The following ATP6V0A2 variants were observed in gnomAD, a reference collection of about 807,000 sequenced individuals.
ATP6V0A2 encodes the protein ATPase H+ transporting V0 subunit a2.
A neutral mutation model predicts 104.4 loss-of-function variants in ATP6V0A2; 58 were observed. That is an observed-to-expected ratio of 0.56 (90% CI 0.45 to 0.69). The LOEUF is 0.69. Among genes scored for constraint, ATP6V0A2 ranks in the 30% least tolerant of loss-of-function variants. The pLI is 0.00. For synonymous variants in ATP6V0A2, 376 were observed against 397.9 expected, an observed-to-expected ratio of 0.95 and a Z score of 0.65; for missense variants, 938 against 1,062.9, an observed-to-expected ratio of 0.88 and a Z score of 1.63.
chr12:123,744,971 C>T lies in ATP6V0A2; in HGVS notation c.1604C>T (p.Pro535Leu). Residue 535 changes from proline to leucine, a missense_variant and splice_region_variant, in exon 13 of 20, where the codon CCT (proline) becomes CTT (leucine). Physicochemically the swap from Pro to Leu is moderately conservative, Grantham distance 98. Transcript: ENST00000330342. This position sits in a 1 kb window ranked among gnomAD's most constrained non-coding sequence, Gnocchi z 5.4. Reference sequence around the variant, plus strand: ...GGCCCTTATCCCCTTGGCATTGATCCTGTGAGTGCACCACGCTCTGTCGTT... The same window carrying T: ...GGCCCTTATCCCCTTGGCATTGATCTTGTGAGTGCACCACGCTCTGTCGTT... The part of the protein sequence containing the change: ...FRGPYPLGID[P>L]IWNLATNRLT... The T allele has an allele frequency of 3.1e-6, 5 of 1,614,032 alleles. No homozygotes were observed. The highest frequency in any genetic ancestry group is 4.2e-6 in the Non-Finnish European group (5 of 1,179,854).
chr12:123,746,496 G>T (rs575797487), intron 13 of ATP6V0A2, among the ~76,000 whole-genome samples: 11 of 151,832 alleles, frequency 7.2e-5, no homozygotes, highest in Non-Finnish European at 1.2e-4. Context: ...TTTAAAATTA[G>T]CTGGGAGTGG....
rs925618488 is a variant in ATP6V0A2 at position 123,760,785 on chromosome 12, G to A, written c.*2753G>A. On this transcript the variant is annotated 3_prime_UTR_variant, in exon 20 of 20. Coordinates refer to ENST00000330342, the MANE Select transcript of ATP6V0A2 (RefSeq NM_012463.4). ...CTGATAGGATCTGGGTGAGCCCTGC[G>A]GACTTTCCAGCAGCGAAAGGACTTG... 12 of 152,174 alleles carry A rather than the reference G, an allele frequency of 7.9e-5. No individual in the cohort carries two copies. Among genetic ancestry groups the A allele is most frequent in the African/African-American group, 2.4e-4 (10 of 41,436 alleles). 9.4% of individuals were successfully genotyped at this position (152,174 alleles called of 1,614,324 possible).
At chr12:123,745,693 G>A (rs988493043) in intron 13 of ATP6V0A2, among the ~76,000 whole-genome samples, 2 of 144,824 alleles carry the variant, frequency 1.4e-5, no homozygotes, top group East Asian at 2.1e-4. Flanking sequence ...GCAACGGAGC[G>A]AGAGACTCTG....
chr12:123,718,587 T>G (rs751452233), intron 1 of ATP6V0A2, 36 bp from the exon 2 acceptor site: 17 of 1,480,740 alleles, frequency 1.1e-5, no homozygotes, highest in Non-Finnish European at 1.5e-5. Context: ...TTTTAAATTT[T>G]AGAAATTTAA....
chr12:123,725,089 C>A (rs941558324), intron 4 of ATP6V0A2, among the ~76,000 whole-genome samples: 3 of 152,082 alleles, frequency 2.0e-5, no homozygotes, highest in Non-Finnish European at 4.4e-5. Context: ...GCGCCCGCCA[C>A]CACGCCTGTA....
intron 1 of ATP6V0A2, among the ~76,000 whole-genome samples, chr12:123,717,552 C>T (rs1030262637): frequency 6.6e-6 from 1 of 151,526 alleles, no homozygotes; most frequent in African/African-American, 2.4e-5. Flanking sequence ...TCAAGCAATC[C>T]TCCTGCCACA....
At chr12:123,740,078 G>A (rs1312928165) in intron 9 of ATP6V0A2, among the ~76,000 whole-genome samples, 2 of 152,058 alleles carry the variant, frequency 1.3e-5, no homozygotes, top group Non-Finnish European at 2.9e-5. Context: ...TGGGAGGATC[G>A]CTTGAGCCTG....
chr12:123,755,169 G>A (rs918237385), intron 18 of ATP6V0A2, among the ~76,000 whole-genome samples: 1 of 152,164 alleles, frequency 6.6e-6, no homozygotes, highest in Non-Finnish European at 1.5e-5. Context: ...CCCACCAGTG[G>A]TGCTCGGCAA....
At chr12:123,757,861 T>C (rs1956779203) in intron 19 of ATP6V0A2, 66 bp from the exon 20 acceptor site, 1 of 1,007,302 alleles carries the variant, frequency 9.9e-7, no homozygotes, top group South Asian at 1.5e-5. Context: ...TTTTAACTTA[T>C]AAATGTTGTT....
chr12:123,728,876 C>G (rs538213652), intron 6 of ATP6V0A2, among the ~76,000 whole-genome samples: 3 of 152,142 alleles, frequency 2.0e-5, no homozygotes, highest in South Asian at 4.1e-4. Flanking sequence ...TCACTCTGAT[C>G]ACTTGATTAG....
intron 9 of ATP6V0A2, among the ~76,000 whole-genome samples, chr12:123,738,693 G>A (rs912410431): frequency 1.3e-5 from 2 of 152,134 alleles, no homozygotes; most frequent in Non-Finnish European, 2.9e-5. Context: ...TTTTCCCACT[G>A]CAAGGTTATA....
intron 1 of ATP6V0A2, among the ~76,000 whole-genome samples, chr12:123,714,584 C>T (rs1162684264): frequency 6.6e-6 from 1 of 152,154 alleles, no homozygotes; most frequent in Non-Finnish European, 1.5e-5. Context: ...CCTCTTTAGT[C>T]CTTCAGCTGA....
At position 123,754,473 on chromosome 12, in the gene ATP6V0A2, T is replaced by C. The variant is rs150508296; in HGVS notation, c.2229T>C (p.Cys743=). The C allele has an allele frequency of 1.1e-3, 1,748 of 1,614,196 alleles. 7 individuals are homozygous for C. Among genetic ancestry groups the C allele is most frequent in the South Asian group, 2.5e-3 (229 of 91,088 alleles). Residue 743 remains cysteine (C), a synonymous_variant, in exon 18 of 20, where the codon TGT becomes TGC. Coordinates refer to ENST00000330342, the MANE Select transcript of ATP6V0A2 (RefSeq NM_012463.4). ...AAGTAATCCATTCCATCGAGTACTG[T>C]CTGGGATGCATCTCCAACACCGCCT... The part of the protein sequence containing the change: ...MTQVIHSIEY[C]LGCISNTASY...
In ATP6V0A2 at chr12:123,717,858, G is replaced by A. The variant is rs555409278; in HGVS notation, c.118-765G>A. Among the ~76,000 whole-genome samples, 131 of 152,070 alleles carry A rather than the reference G, an allele frequency of 8.6e-4. 2 individuals carry two copies. The Middle Eastern group carries it at 0.027, about 32-fold the overall frequency. ...TTGATGTTGTCATAGATTTTCATCT[G>A]TTTCCATAGCTTTTTCCTTAGGTTA... is the stretch of plus-strand genomic sequence containing the variant. On this transcript the variant is annotated intron_variant, in intron 1 of 19. Transcript: ENST00000330342.
At chr12:123,750,396 T>G (rs1300564270) in intron 15 of ATP6V0A2, 1 of 152,886 alleles carries the variant, frequency 6.5e-6, no homozygotes, top group African/African-American at 2.4e-5. Flanking sequence ...TTTCTCGGCA[T>G]TTCAAGAGGT....
In ATP6V0A2 at chr12:123,756,709, GGA is replaced by G; in HGVS notation, c.2294-105_2294-104del. 3.4e-6 allele frequency: 4 copies of G among 1,179,854 alleles called. No individual in the cohort carries two copies. In the South Asian group the frequency reaches 3.8e-5, roughly 11 times the overall value. The allele number at this position is 1,179,854 out of a possible 1,614,324, so 73.1% of individuals were successfully genotyped here. On this transcript the variant is annotated intron_variant, in intron 18 of 19. Transcript: ENST00000330342. ...TTACATGTGTGTCTATTATTTTATG[GGA>G]TAATAGTTCAGGGCCGTCAGGGGGA... is the stretch of plus-strand genomic sequence containing the variant.
intron 1 of ATP6V0A2, among the ~76,000 whole-genome samples, chr12:123,717,207 C>T (rs572240812): frequency 2.7e-5 from 4 of 150,174 alleles, no homozygotes; most frequent in East Asian, 4.0e-4. Context: ...CCCAGCTACT[C>T]GGGAGGCTGA....
In ATP6V0A2 at chr12:123,735,604, C is replaced by T. The variant is rs773214209; in HGVS notation, c.805C>T (p.Arg269Cys). ...GGAGATCCAGGAGGGGCTGAACACC[C>T]GCATCCAGGATCTCTACACTGTGAG... ...RREIQEGLNT[R>C]IQDLYTVLHK... The change falls in exon 8 of 20, where the codon CGC (arginine) becomes TGC (cysteine). Residue 269 changes from arginine (R) to cysteine (C), a missense_variant. Arg to Cys is a radical substitution (Grantham distance 180). Coordinates refer to ENST00000330342, the MANE Select transcript of ATP6V0A2 (RefSeq NM_012463.4). 6.2e-6 allele frequency: 10 copies of T among 1,613,200 alleles called. No homozygotes were observed. The highest frequency in any genetic ancestry group is 4.0e-5 in the African/African-American group (3 of 74,668).
chr12:123,719,386 CTTG>C (rs1323321108), intron 2 of ATP6V0A2, among the ~76,000 whole-genome samples: 1 of 148,384 alleles, frequency 6.7e-6, no homozygotes, highest in East Asian at 1.9e-4. Flanking sequence ...AAGGACAAAG[CTTG>C]TTTTTTTTTT....
Sources: gnomAD v4.1 joint callset for allele counts (sites outside exome capture counted in the v4.1 genomes callset) on GRCh38, gnomAD v4.1.1 for gene constraint, Gnocchi (gnomAD v3.1) non-coding constraint, MANE v1.5 for transcripts, NCBI Gene and HGNC (gene_info 2026-07-23, HGNC 2026-07-21) for gene names.